Variants in GABRB3 observed in about 807,000 individuals in gnomAD.
GABRB3 encodes the protein gamma-aminobutyric acid receptor subunit beta-3.
In GABRB3, 14 loss-of-function variants were observed where a neutral mutation model predicts 52.1. The ratio of observed to expected loss-of-function variants is 0.27; its 90% CI spans 0.18 to 0.42. The LOEUF (loss-of-function observed/expected upper bound fraction) is 0.42, where lower values mean the gene tolerates loss of function less well. Ranked by LOEUF, GABRB3 falls within the 10% of genes least tolerant of loss-of-function variation. The pLI is 1.00. For synonymous variants in GABRB3, 260 were observed against 232.3 expected, an observed-to-expected ratio of 1.12 and a Z score of -1.08; for missense variants, 307 against 609.1, an observed-to-expected ratio of 0.50 and a Z score of 5.22.
chr15:26,747,167 T>C (rs540256690), intron 3 of GABRB3, among the ~76,000 whole-genome samples: 6 of 152,356 alleles, frequency 3.9e-5, no homozygotes, highest in African/African-American at 1.4e-4. Context: ...AATCAGTCTA[T>C]AGCTTTTATG....
intron 3 of GABRB3, among the ~76,000 whole-genome samples, chr15:26,703,283 C>G (rs1343019318): frequency 6.6e-6 from 1 of 152,142 alleles, no homozygotes; most frequent in Non-Finnish European, 1.5e-5. Context: ...TGTATCTTCA[C>G]ACAGTGGAAG....
intron 3 of GABRB3, among the ~76,000 whole-genome samples, chr15:26,679,470 T>A (rs1385059358): frequency 1.3e-5 from 2 of 152,196 alleles, no homozygotes; most frequent in African/African-American, 2.4e-5. Flanking sequence ...GTGTCTATTA[T>A]ACATTCACAT....
In GABRB3 at chr15:26,620,406, G is replaced by A. The variant is rs576093811; in HGVS notation, c.461+908C>T. On this transcript the variant is annotated intron_variant, in intron 4 of 8. Transcript: ENST00000311550. The stretch of plus-strand genomic sequence containing the variant: ...TTTAAATATATACTGTTATGATTTC[G>A]CTTATAGCTGTTAAAGTCTTAGTTC... 9.9e-5 allele frequency among the ~76,000 whole-genome samples: 15 copies of A among 152,180 alleles called. No individual in the cohort carries two copies. In the South Asian group the frequency reaches 2.7e-3, roughly 27 times the overall value.
intron 3 of GABRB3, among the ~76,000 whole-genome samples, chr15:26,723,781 C>T (rs1434826912): frequency 6.6e-6 from 1 of 152,194 alleles, no homozygotes; most frequent in Admixed American, 6.5e-5. Context: ...TACCACATTT[C>T]TCTCTGATTA....
intron 3 of GABRB3, among the ~76,000 whole-genome samples, chr15:26,685,720 T>C (rs894546406): frequency 1.3e-5 from 2 of 151,664 alleles, no homozygotes; most frequent in Non-Finnish European, 2.9e-5. Flanking sequence ...CTCTAACTTG[T>C]CAAAATGATG....
At chr15:26,727,864 T>C (rs1419051764) in intron 3 of GABRB3, among the ~76,000 whole-genome samples, 2 of 152,216 alleles carry the variant, frequency 1.3e-5, no homozygotes, top group Non-Finnish European at 2.9e-5. Context: ...TCTTAGACAA[T>C]GAGAAACTTG....
At chr15:26,585,989 C>T (rs1890969536) in intron 4 of GABRB3, among the ~76,000 whole-genome samples, 1 of 151,990 alleles carries the variant, frequency 6.6e-6, no homozygotes, top group African/African-American at 2.4e-5. Context: ...TTTTAATTTT[C>T]TTTTTGTTTG....
Position 26,547,736 on chromosome 15 carries a change from C to T in GABRB3, c.*57G>A. 1.4e-6 allele frequency: 2 copies of T among 1,417,024 alleles called. No homozygotes were observed. The highest frequency in any genetic ancestry group is 2.3e-5 in the South Asian group (2 of 86,636). 87.8% of individuals were successfully genotyped at this position (1,417,024 alleles called of 1,614,324 possible). On this transcript the variant is annotated 3_prime_UTR_variant, in exon 9 of 9. Coordinates refer to ENST00000311550, the MANE Select transcript of GABRB3 (RefSeq NM_000814.6). Reference sequence around the variant, plus strand: ...TGTACAGGTATAAAAACTTGACAGGCAGAGTAATATTTCACTCAGTGTTAA... The same window carrying T: ...TGTACAGGTATAAAAACTTGACAGGTAGAGTAATATTTCACTCAGTGTTAA...
intron 4 of GABRB3, among the ~76,000 whole-genome samples, chr15:26,617,936 C>T (rs1478722750): frequency 4.0e-5 from 6 of 150,972 alleles, no homozygotes; most frequent in Admixed American, 2.0e-4. Flanking sequence ...GAGAATAAAA[C>T]ACCTAGGAAT....
At chr15:26,747,700 T>A (rs1295124857) in intron 3 of GABRB3, among the ~76,000 whole-genome samples, 2 of 152,236 alleles carry the variant, frequency 1.3e-5, no homozygotes, top group East Asian at 3.8e-4. Flanking sequence ...GTATGTTTTC[T>A]ATTTATCACC....
chr15:26,655,290 G>T (rs1887331578), intron 3 of GABRB3, among the ~76,000 whole-genome samples: 1 of 152,064 alleles, frequency 6.6e-6, no homozygotes, highest in African/African-American at 2.4e-5. Flanking sequence ...AAATCTGTCT[G>T]ATATATCATA....
intron 3 of GABRB3, among the ~76,000 whole-genome samples, chr15:26,700,856 C>T (rs984667352): frequency 1.3e-5 from 2 of 152,312 alleles, no homozygotes; most frequent in African/African-American, 4.8e-5. Context: ...GAGGTCGAGA[C>T]CATCCTGGCT....
chr15:26,760,810 C>CACACACACACAG (rs1890799564), intron 3 of GABRB3, among the ~76,000 whole-genome samples: 1 of 1,432 alleles, frequency 7.0e-4, no homozygotes, highest in Non-Finnish European at 1.4e-3. Flanking sequence ...CACGCGCACG[C>CACACACACACAG]ACACACACAC....
intron 3 of GABRB3, among the ~76,000 whole-genome samples, chr15:26,707,490 C>T (rs535972932): frequency 3.9e-5 from 6 of 152,176 alleles, no homozygotes; most frequent in Admixed American, 3.9e-4. Flanking sequence ...GAAGTGCAGG[C>T]TTAGGGCAAG....
chr15:26,592,143 G>A (rs1203446297), intron 4 of GABRB3, among the ~76,000 whole-genome samples: 1 of 152,194 alleles, frequency 6.6e-6, no homozygotes, highest in Non-Finnish European at 1.5e-5. Flanking sequence ...TGCTGGGGTA[G>A]AAAATGTCAC....
At position 26,561,055 on chromosome 15, in the gene GABRB3, C is replaced by T. The variant is rs778566779; in HGVS notation, c.957G>A (p.Leu319=). Residue 319 remains leucine, a synonymous_variant, in exon 8 of 9, where the codon CTG becomes CTA. Transcript: ENST00000311550. ...TGACAAAGGCATACTCCAGAAGGGC[C>T]AGGAACACAAAGACGAAGCAGCCCA... ...YLMGCFVFVF[L]ALLEYAFVNY... 6.2e-7 allele frequency: 1 copy of T among 1,614,092 alleles called. No homozygotes were observed. Among genetic ancestry groups the T allele is most frequent in the South Asian group, 1.1e-5 (1 of 91,080 alleles).
At chr15:26,709,482 G>A (rs1298630725) in intron 3 of GABRB3, among the ~76,000 whole-genome samples, 1 of 150,392 alleles carries the variant, frequency 6.6e-6, no homozygotes, top group African/African-American at 2.4e-5. Context: ...GCAGAACCAT[G>A]AGCCACGTAA....
At chr15:26,715,733 G>C (rs1206157251) in intron 3 of GABRB3, among the ~76,000 whole-genome samples, 1 of 152,156 alleles carries the variant, frequency 6.6e-6, no homozygotes, top group Non-Finnish European at 1.5e-5. Flanking sequence ...CTAATGATAA[G>C]TAGATTACTC....
At chr15:26,653,282 C>A (rs1358447803) in intron 3 of GABRB3, among the ~76,000 whole-genome samples, 1 of 152,114 alleles carries the variant, frequency 6.6e-6, no homozygotes, top group East Asian at 1.9e-4. Flanking sequence ...CTGAACCTCC[C>A]CAATTGCTCT....
Sources: allele counts gnomAD v4.1 joint callset (sites outside exome capture counted in the v4.1 genomes callset), GRCh38; gene constraint gnomAD v4.1.1; transcripts MANE v1.5; gene names NCBI Gene and HGNC (gene_info 2026-07-23, HGNC 2026-07-21).